The following TYW1 variants were observed in gnomAD, a reference collection of about 807,000 sequenced individuals.
TYW1 encodes S-adenosyl-L-methionine-dependent tRNA 4-demethylwyosine synthase TYW1.
TYW1 carries 46 observed loss-of-function variants against 96.2 expected under a neutral mutation model. The ratio of observed to expected loss-of-function variants is 0.48; its 90% CI spans 0.38 to 0.61. The LOEUF is 0.61. TYW1 is among the 20% of genes least tolerant of loss of function. The pLI is 0.00. For synonymous variants in TYW1, 274 were observed against 323.0 expected (o/e 0.85, Z 1.63); for missense variants, 684 against 909.6 (o/e 0.75, Z 3.19).
At chr7:67,130,767 C>G (rs1339158853) in intron 13 of TYW1, among the ~76,000 whole-genome samples, 1 of 152,156 alleles carries the variant, frequency 6.6e-6, no homozygotes, top group Non-Finnish European at 1.5e-5. Flanking sequence ...AACAAATAAC[C>G]TCACAAGTCT....
chr7:67,160,840 C>A (rs1445207373), intron 13 of TYW1, among the ~76,000 whole-genome samples: 1 of 151,868 alleles, frequency 6.6e-6, no homozygotes, highest in Non-Finnish European at 1.5e-5. Context: ...GATCTGCCCA[C>A]CTCGGCCTCC....
chr7:67,144,355 T>C (rs1159984709), intron 13 of TYW1, among the ~76,000 whole-genome samples: 2 of 152,252 alleles, frequency 1.3e-5, no homozygotes, highest in Admixed American at 1.3e-4. Flanking sequence ...CTTTGACTTT[T>C]GATTCATATA....
chr7:67,117,447 A>C (rs765327724), intron 12 of TYW1, 36 bp from the exon 13 acceptor site: 1 of 1,587,986 alleles, frequency 6.3e-7, no homozygotes, highest in South Asian at 1.2e-5. Context: ...TAGAGGAATA[A>C]TTTTTCTTTC....
intron 7 of TYW1, among the ~76,000 whole-genome samples, chr7:67,047,818 G>A (rs1795234700): frequency 7.9e-6 from 1 of 127,080 alleles, no homozygotes; most frequent in Non-Finnish European, 1.6e-5. Context: ...TTGAGGCAGA[G>A]TCTCTGTCGC....
intron 9 of TYW1, among the ~76,000 whole-genome samples, chr7:67,057,355 G>C (rs528295297): frequency 1.2e-3 from 180 of 151,104 alleles, no homozygotes; most frequent in African/African-American, 4.2e-3. Context: ...GATGGTTGAT[G>C]ATTGGGAACA....
In TYW1 at chr7:67,048,023, G is replaced by A. The variant is rs1420724080; in HGVS notation, c.985-1926G>A. On this transcript the variant is annotated intron_variant, in intron 7 of 15. Transcript: ENST00000359626. ...GGCTGGTCTCGAACTCCTGACCTCA[G>A]GTGATCCACCTGCCTCGGCCTCCCA... 2.0e-5 allele frequency among the ~76,000 whole-genome samples: 3 copies of A among 149,936 alleles called. No individual in the cohort carries two copies. The East Asian group carries it at 6.0e-4, about 30-fold the overall frequency.
At chr7:67,061,221 C>G (rs986178943) in intron 9 of TYW1, among the ~76,000 whole-genome samples, 1 of 151,972 alleles carries the variant, frequency 6.6e-6, no homozygotes, top group Non-Finnish European at 1.5e-5. Flanking sequence ...GAGTGAGACT[C>G]CATCTCAAAA....
intron 8 of TYW1, among the ~76,000 whole-genome samples, chr7:67,051,724 G>GTTTTTTTTT (rs200899821): frequency 2.5e-5 from 3 of 118,222 alleles, no homozygotes; most frequent in Non-Finnish European, 3.6e-5. Flanking sequence ...GACTGTTTTT[G>GTTTTTTTTT]TTTTTTTGTT....
At chr7:67,210,668 C>T (rs974277744) in intron 15 of TYW1, among the ~76,000 whole-genome samples, 35 of 147,032 alleles carry the variant, frequency 2.4e-4, no homozygotes, top group Non-Finnish European at 4.1e-4. Flanking sequence ...TCCATCCATC[C>T]GTCATCTGTC....
chr7:67,099,515 G>A (rs1395922209), intron 12 of TYW1, among the ~76,000 whole-genome samples: 3 of 152,190 alleles, frequency 2.0e-5, no homozygotes, highest in Admixed American at 6.5e-5. Flanking sequence ...AGTTAGAAAG[G>A]TTGGGATTAG....
At position 67,014,367 on chromosome 7, in the gene TYW1, G is replaced by A; in HGVS notation, c.376G>A (p.Val126Met). 1.9e-6 allele frequency: 3 copies of A among 1,597,626 alleles called. No homozygotes were observed. The highest frequency in any genetic ancestry group is 2.6e-6 in the Non-Finnish European group (3 of 1,170,722). ...CTGAAACAATTACTTTCTTGGTTAG[G>A]TGACTAGTAAAAATGTCTGTGTCTT... ...YDPDDHLIEE[V>M]TSKNVCVFLV... Residue 126 changes from valine (V) to methionine (M), a missense_variant and splice_region_variant, in exon 5 of 16, where the codon GTG (valine) becomes ATG (methionine). Transcript: ENST00000359626.
Position 67,067,198 on chromosome 7 carries a change from A to T in TYW1, c.1156-87A>T, listed in dbSNP as rs1795893060. 3 of 1,412,748 alleles carry T rather than the reference A, an allele frequency of 2.1e-6. No homozygotes were observed. In the Admixed American group the frequency reaches 5.1e-5, roughly 24 times the overall value. The allele number at this position is 1,412,748 out of a possible 1,614,324, so 87.5% of individuals were successfully genotyped here. On this transcript the variant is annotated intron_variant, in intron 9 of 15. Transcript: ENST00000359626. ...AGGAGTATTCATGGTTACGAAACAC[A>T]TGGTTTCTCTTAAAAATGATGCCTT...
Position 67,141,161 on chromosome 7 carries a change from G to C in TYW1, c.1698+23543G>C, listed in dbSNP as rs186171826. ...CTGACCAGAGAACAGGGCCCTTGTC[G>C]GCCTTAGTCATTGGTCCCCAGAAAC... On this transcript the variant is annotated intron_variant, in intron 13 of 15. Coordinates refer to ENST00000359626, the MANE Select transcript of TYW1 (RefSeq NM_018264.4). 2.0e-5 allele frequency among the ~76,000 whole-genome samples: 3 copies of C among 151,838 alleles called. No individual in the cohort carries two copies. The East Asian group carries it at 5.8e-4, about 29-fold the overall frequency.
intron 10 of TYW1, among the ~76,000 whole-genome samples, chr7:67,082,470 T>A (rs571077872): frequency 6.6e-6 from 1 of 152,316 alleles, no homozygotes; most frequent in East Asian, 1.9e-4. Context: ...GGCATGACTT[T>A]GCTAGGGGCA....
At chr7:67,191,633 C>T (rs2116332038) in intron 14 of TYW1, among the ~76,000 whole-genome samples, 1 of 148,206 alleles carries the variant, frequency 6.7e-6, no homozygotes, top group South Asian at 2.2e-4. Context: ...ATTCTGTGCT[C>T]AGGAATAAAG....
chr7:67,112,522 A>G (rs1312094160), intron 12 of TYW1, among the ~76,000 whole-genome samples: 1 of 151,838 alleles, frequency 6.6e-6, no homozygotes, highest in African/African-American at 2.4e-5. Flanking sequence ...AGGCTGAGGT[A>G]GGAGAGTTGC....
At position 67,195,155 on chromosome 7, in the gene TYW1, A is replaced by T; in HGVS notation, c.1810-15A>T. On this transcript the variant is annotated splice_polypyrimidine_tract_variant and intron_variant, in intron 14 of 15. Coordinates refer to ENST00000359626, the MANE Select transcript of TYW1 (RefSeq NM_018264.4). ...AGGTCTGTAGTCATCTCTGATGGTTATACTGTTTCCACAGGGCGTTACCTA... is the reference window on the plus strand; with the variant it reads ...AGGTCTGTAGTCATCTCTGATGGTTTTACTGTTTCCACAGGGCGTTACCTA... 1 of 1,613,186 alleles carries T rather than the reference A, an allele frequency of 6.2e-7. No individual in the cohort carries two copies. The highest frequency in any genetic ancestry group is 8.5e-7 in the Non-Finnish European group (1 of 1,179,534).
intron 14 of TYW1, among the ~76,000 whole-genome samples, chr7:67,184,266 GA>G (rs1166701881): frequency 6.6e-6 from 1 of 152,150 alleles, no homozygotes; most frequent in Non-Finnish European, 1.5e-5. Context: ...CATCTTGGCT[GA>G]TGCCCTGTGT....
At chr7:67,044,697 G>C (rs530555683) in intron 7 of TYW1, among the ~76,000 whole-genome samples, 10 of 152,162 alleles carry the variant, frequency 6.6e-5, no homozygotes, top group African/African-American at 2.4e-4. Flanking sequence ...TCGGCTCACT[G>C]CAACCTCTGC....
Sources: gnomAD v4.1 joint callset for allele counts (sites outside exome capture counted in the v4.1 genomes callset) on GRCh38, gnomAD v4.1.1 for gene constraint, MANE v1.5 for transcripts, NCBI Gene and HGNC (gene_info 2026-07-23, HGNC 2026-07-21) for gene names.